CCBE1: variants seen among roughly 807,000 people sequenced by gnomAD.
The protein encoded by CCBE1 is collagen and calcium-binding EGF domain-containing protein 1.
CCBE1 carries 37 observed loss-of-function variants against 50.0 expected under a neutral mutation model. The observed-to-expected ratio is 0.74, with a 90% CI of 0.57 to 0.97. CCBE1 has a LOEUF of 0.97. CCBE1 is among the 50% of genes least tolerant of loss of function. The pLI, the probability that CCBE1 is intolerant of heterozygous loss-of-function variation, is 0.00. For synonymous variants in CCBE1, 234 were observed against 203.7 expected (o/e 1.15, Z -1.27); for missense variants, 538 against 523.8 (o/e 1.03, Z -0.26).
chr18:59,590,001 C>T (rs1388544055), intron 2 of CCBE1, among the ~76,000 whole-genome samples: 1 of 152,124 alleles, frequency 6.6e-6, no homozygotes, highest in Admixed American at 6.5e-5. Context: ...AAAAGACACA[C>T]ACCGACAAAA....
chr18:59,529,155 C>T (rs1914947714), intron 2 of CCBE1, among the ~76,000 whole-genome samples: 1 of 149,014 alleles, frequency 6.7e-6, no homozygotes, highest in Non-Finnish European at 1.5e-5. Flanking sequence ...TGTCCGTAAA[C>T]CCCTGGCTGG....
rs576100634 is a variant in CCBE1, at chr18:59,491,911, C to T, written c.213-11673G>A. Among the ~76,000 whole-genome samples the T allele has an allele frequency of 8.4e-4, 127 of 151,828 alleles. 1 individual carries two copies. The South Asian group carries it at 9.2e-3, about 11-fold the overall frequency. ...CATTCTGGAGGGCACTTTGGGAGGCCGAGGCGAGTGGATTGCCTGAGCTCA... is the reference window on the plus strand; with the variant it reads ...CATTCTGGAGGGCACTTTGGGAGGCTGAGGCGAGTGGATTGCCTGAGCTCA... On this transcript the variant is annotated intron_variant, in intron 2 of 10. Coordinates refer to ENST00000439986, the MANE Select transcript of CCBE1 (RefSeq NM_133459.4).
chr18:59,605,302 A>G (rs1378118025), intron 2 of CCBE1, among the ~76,000 whole-genome samples: 1 of 152,202 alleles, frequency 6.6e-6, no homozygotes, highest in African/African-American at 2.4e-5. Context: ...TCTTTCCTCT[A>G]TTTGCTGAAA....
chr18:59,582,323 C>T (rs1271898815), intron 2 of CCBE1, among the ~76,000 whole-genome samples: 2 of 152,178 alleles, frequency 1.3e-5, no homozygotes, highest in Admixed American at 1.3e-4. Flanking sequence ...AACCATGCCA[C>T]TTCCACTGAT....
intron 2 of CCBE1, among the ~76,000 whole-genome samples, chr18:59,528,916 T>C (rs941961278): frequency 6.6e-6 from 1 of 152,136 alleles, no homozygotes; most frequent in African/African-American, 2.4e-5. Context: ...TGACCTCTGT[T>C]GGGGGAGGGG....
At chr18:59,545,382 A>G (rs901228815) in intron 2 of CCBE1, among the ~76,000 whole-genome samples, 12 of 151,844 alleles carry the variant, frequency 7.9e-5, no homozygotes, top group South Asian at 2.1e-4. Context: ...CCTTTTCTCT[A>G]TATCGGTGTG....
At chr18:59,609,416 G>T (rs2053542763) in intron 2 of CCBE1, among the ~76,000 whole-genome samples, 1 of 152,158 alleles carries the variant, frequency 6.6e-6, no homozygotes, top group Non-Finnish European at 1.5e-5. Context: ...ATCACCATTA[G>T]AACAGCTCCT....
intron 3 of CCBE1, among the ~76,000 whole-genome samples, chr18:59,478,470 T>A (rs1176141131): frequency 6.6e-6 from 1 of 152,210 alleles, no homozygotes; most frequent in African/African-American, 2.4e-5. Flanking sequence ...ATGAAAAGTG[T>A]TCTAGCAAAA....
chr18:59,438,357 C>G (rs1910257057), intron 9 of CCBE1, among the ~76,000 whole-genome samples: 1 of 152,214 alleles, frequency 6.6e-6, no homozygotes, highest in Admixed American at 6.5e-5. Flanking sequence ...TTCCCTCAAG[C>G]CCATCTATTT....
Position 59,696,669 on chromosome 18 carries a change from G to A in CCBE1, c.172C>T (p.Pro58Ser). The change falls in exon 2 of 11, where the codon CCG (proline) becomes TCG (serine). Residue 58 changes from proline (P) to serine (S), a missense_variant. Coordinates refer to ENST00000439986, the MANE Select transcript of CCBE1 (RefSeq NM_133459.4). ...SESKIATTKY[P>S]CLKSSGELTT... ...AGCTCGCCTGAAGACTTCAGACACGGGTATTTAGTCGTCGCGATTTTGCTC... is the reference window on the plus strand; with the variant it reads ...AGCTCGCCTGAAGACTTCAGACACGAGTATTTAGTCGTCGCGATTTTGCTC... 9 of 1,614,084 alleles carry A rather than the reference G, an allele frequency of 5.6e-6. No individual in the cohort carries two copies. Among genetic ancestry groups the A allele is most frequent in the Non-Finnish European group, 7.6e-6 (9 of 1,179,970 alleles).
intron 2 of CCBE1, among the ~76,000 whole-genome samples, chr18:59,663,885 A>G (rs553567752): frequency 6.6e-6 from 1 of 152,318 alleles, no homozygotes; most frequent in African/African-American, 2.4e-5. Context: ...TGGTGAAGTC[A>G]CTAACCAAGA....
chr18:59,477,565 T>TGTGTGTGTGTGC (rs398059300), intron 3 of CCBE1, among the ~76,000 whole-genome samples: 2,703 of 146,160 alleles, frequency 0.018, 54 homozygotes, highest in South Asian at 0.063. Context: ...TGTGTGTGTG[T>TGTGTGTGTGTGC]GCACCTGCAT....
At chr18:59,594,288 A>T (rs1396767746) in intron 2 of CCBE1, among the ~76,000 whole-genome samples, 1 of 152,278 alleles carries the variant, frequency 6.6e-6, no homozygotes, top group Non-Finnish European at 1.5e-5. Context: ...AAATGTTAAA[A>T]AGCATGTAGA....
intron 2 of CCBE1, among the ~76,000 whole-genome samples, chr18:59,574,895 G>A (rs2052970394): frequency 6.6e-6 from 1 of 152,156 alleles, no homozygotes; most frequent in African/African-American, 2.4e-5. Flanking sequence ...TTCAGAATGT[G>A]AGGTTTGAAA....
At chr18:59,452,216 C>T (rs1910971035) in intron 6 of CCBE1, among the ~76,000 whole-genome samples, 1 of 152,158 alleles carries the variant, frequency 6.6e-6, no homozygotes, top group Non-Finnish European at 1.5e-5. Context: ...CTAGCATCTC[C>T]TTCTTGGCTA....
intron 7 of CCBE1, among the ~76,000 whole-genome samples, chr18:59,447,229 A>G (rs1910716978): frequency 1.3e-5 from 2 of 152,208 alleles, no homozygotes; most frequent in Admixed American, 1.3e-4. Context: ...GTGTGTGTAT[A>G]TATGTGTATA....
At chr18:59,649,888 G>A (rs1179585750) in intron 2 of CCBE1, among the ~76,000 whole-genome samples, 2 of 152,184 alleles carry the variant, frequency 1.3e-5, no homozygotes, top group African/African-American at 2.4e-5. Flanking sequence ...CTGGAGCTCT[G>A]AGCCTTGGGG....
Position 59,435,935 on chromosome 18 carries a change from C to CA in CCBE1, c.1193dup (p.Leu398PhefsTer29), listed in dbSNP as rs1426167049. On this transcript the variant is annotated frameshift_variant, in exon 11 of 11. Transcript: ENST00000439986. LOFTEE classifies it high-confidence loss of function. ...ATGGGTAGAAGTCTCTGGGGGCTCT[C>CA]AAGTCTCTTGTCTCAGTTCTTCTTG... is the stretch of plus-strand genomic sequence containing the variant. 6 of 1,613,996 alleles carry CA rather than the reference C, an allele frequency of 3.7e-6. No homozygotes were observed. The highest frequency in any genetic ancestry group is 4.2e-6 in the Non-Finnish European group (5 of 1,180,032).
intron 2 of CCBE1, among the ~76,000 whole-genome samples, chr18:59,687,883 C>G (rs1386500896): frequency 6.6e-6 from 1 of 152,166 alleles, no homozygotes; most frequent in African/African-American, 2.4e-5. Flanking sequence ...ATCCCTTGAA[C>G]CCCAGAGTTG....
Sources: allele counts gnomAD v4.1 joint callset (sites outside exome capture counted in the v4.1 genomes callset), GRCh38; gene constraint gnomAD v4.1.1; transcripts MANE v1.5; gene names NCBI Gene and HGNC (gene_info 2026-07-23, HGNC 2026-07-21).